The following CA1 variants were observed in gnomAD, a reference collection of about 807,000 sequenced individuals.
CA1 encodes the protein carbonate dehydratase I.
CA1 carries 27 observed loss-of-function variants against 28.8 expected under a neutral mutation model. The ratio of observed to expected loss-of-function variants is 0.94; its 90% CI spans 0.69 to 1.29. CA1 has a LOEUF of 1.29. Among genes scored for constraint, CA1 ranks in the 50% most tolerant of loss-of-function variants. CA1 has a pLI of 0.00. For missense variants in CA1, 335 were observed against 310.5 expected, an observed-to-expected ratio of 1.08 and a Z score of -0.59; for synonymous variants, 121 against 108.8, an observed-to-expected ratio of 1.11 and a Z score of -0.70.
chr8:85,353,148 G>C (rs189932518), intron 1 of CA1, among the ~76,000 whole-genome samples: 6 of 152,294 alleles, frequency 3.9e-5, no homozygotes, highest in Admixed American at 3.3e-4. Flanking sequence ...AAAAGTGAAA[G>C]CAAGAAGAAC....
chr8:85,358,995 C>T (rs936209031), intron 1 of CA1, among the ~76,000 whole-genome samples: 1 of 152,154 alleles, frequency 6.6e-6, no homozygotes, highest in African/African-American at 2.4e-5. Flanking sequence ...TTTGGGTGGT[C>T]TTCTATGTGC....
rs1564029481 is a variant in CA1, at chr8:85,344,227, C to CTTATATAT, written c.-24-2569_-24-2568insATATATAA. Among the ~76,000 whole-genome samples, 80 of 86,140 alleles carry CTTATATAT rather than the reference C, an allele frequency of 9.3e-4. 1 individual carries two copies. The highest frequency in any genetic ancestry group is 5.2e-3 in the African/African-American group (77 of 14,744). The allele number at this position is 86,140 out of a possible 152,430, so 56.5% of individuals were successfully genotyped here. ...GTATATAATATAATTATATTATATA[C>CTTATATAT]AGTATATAATATATAATTATATATT... On this transcript the variant is annotated intron_variant, in intron 1 of 7. Transcript: ENST00000523022.
chr8:85,336,804 G>T (rs2130174225), intron 4 of CA1, 141 bp downstream of exon 4: 2 of 713,524 alleles, frequency 2.8e-6, no homozygotes, highest in South Asian at 2.9e-5. Context: ...GTCTGTGCTT[G>T]ATTTTAATGG....
intron 1 of CA1, chr8:85,342,850 C>G (rs1032551): frequency 0.53 from 80,373 of 151,882 alleles, 21,792 homozygotes; most frequent in Non-Finnish European, 0.57. Flanking sequence ...GGATCAGGAG[C>G]AATTTTCACT....
At chr8:85,371,623 A>G (rs889424755) in intron 1 of CA1, among the ~76,000 whole-genome samples, 3 of 152,188 alleles carry the variant, frequency 2.0e-5, no homozygotes, top group Non-Finnish European at 2.9e-5. Context: ...TCCACCCAAT[A>G]CAAATATTTG....
chr8:85,351,515 G>T (rs1809411635), intron 1 of CA1, among the ~76,000 whole-genome samples: 1 of 152,180 alleles, frequency 6.6e-6, no homozygotes, highest in East Asian at 1.9e-4. Context: ...TATGAGATGA[G>T]TATGACATCC....
chr8:85,345,115 A>T (rs1364220904), intron 1 of CA1, among the ~76,000 whole-genome samples: 2 of 152,152 alleles, frequency 1.3e-5, no homozygotes, highest in African/African-American at 4.8e-5. Context: ...GGTTATCTGG[A>T]TTTCACAGCT....
At chr8:85,339,122 A>T (rs1413902228) in intron 2 of CA1, among the ~76,000 whole-genome samples, 1 of 152,204 alleles carries the variant, frequency 6.6e-6, no homozygotes, top group African/African-American at 2.4e-5. Context: ...TATTAGCAAT[A>T]GATTTCTAAT....
At chr8:85,365,179 T>G (rs1809957329) in intron 1 of CA1, among the ~76,000 whole-genome samples, 3 of 152,216 alleles carry the variant, frequency 2.0e-5, no homozygotes, top group Non-Finnish European at 4.4e-5. Flanking sequence ...TTATAATACC[T>G]GCTTGTGAGA....
intron 1 of CA1, among the ~76,000 whole-genome samples, chr8:85,374,429 ACTT>A (rs1222358836): frequency 6.6e-6 from 1 of 152,196 alleles, no homozygotes. Context: ...GATTCATAAA[ACTT>A]CACACACATT....
chr8:85,351,520 A>G (rs1809411737), intron 1 of CA1, among the ~76,000 whole-genome samples: 2 of 152,202 alleles, frequency 1.3e-5, no homozygotes, highest in Admixed American at 6.5e-5. Context: ...GATGAGTATG[A>G]CATCCACTCA....
intron 1 of CA1, among the ~76,000 whole-genome samples, chr8:85,372,440 T>C (rs962049538): frequency 6.6e-6 from 1 of 152,150 alleles, no homozygotes; most frequent in Admixed American, 6.6e-5. Flanking sequence ...AACACAGAAC[T>C]ACCTTATGGT....
intron 1 of CA1, among the ~76,000 whole-genome samples, chr8:85,356,293 G>A (rs1322397737): frequency 6.6e-6 from 1 of 152,014 alleles, no homozygotes; most frequent in Non-Finnish European, 1.5e-5. Flanking sequence ...TGTTTGTGAG[G>A]CAGAAATAAC....
chr8:85,344,135 A>G (rs1336300703), intron 1 of CA1, among the ~76,000 whole-genome samples: 1 of 137,692 alleles, frequency 7.3e-6, no homozygotes, highest in African/African-American at 2.7e-5. Context: ...TTAAATTTAT[A>G]TATATAATTA....
chr8:85,366,876 G>A lies in CA1; in HGVS notation c.-25+11170C>T, dbSNP rs1227232346. On this transcript the variant is annotated intron_variant, in intron 1 of 7. Transcript: ENST00000523022. ...GTAGTCAGTGAAGAGAGATTAGAAA[G>A]AAATACCAATCTGGTAACATTTGTT... Among the ~76,000 whole-genome samples the A allele has an allele frequency of 4.6e-5, 7 of 152,290 alleles. No homozygotes were observed. In the East Asian group the frequency reaches 1.4e-3, roughly 29 times the overall value.
rs1349449027 is a variant in CA1, at chr8:85,333,593, T to C, written c.382A>G (p.Lys128Glu). The change falls in exon 5 of 8, where the codon AAG (lysine) becomes GAG (glutamate). Residue 128 changes from lysine to glutamate, a missense_variant. Lys to Glu is a moderately conservative substitution (Grantham distance 56, BLOSUM62 1). Coordinates refer to ENST00000523022, the MANE Select transcript of CA1 (RefSeq NM_001128831.4). ...ELHVAHWNSA[K>E]YSSLAEAASK... ...GCAGCTTCAGCAAGGCTGGAGTACTTTGCAGAATTCCAGTGAGCTACGTGA... is the reference window on the plus strand; with the variant it reads ...GCAGCTTCAGCAAGGCTGGAGTACTCTGCAGAATTCCAGTGAGCTACGTGA... The C allele has an allele frequency of 6.2e-7, 1 of 1,611,994 alleles. No homozygotes were observed. Among genetic ancestry groups the C allele is most frequent in the Non-Finnish European group, 8.5e-7 (1 of 1,178,542 alleles).
intron 1 of CA1, among the ~76,000 whole-genome samples, chr8:85,359,325 A>T (rs1286794920): frequency 6.6e-6 from 1 of 152,230 alleles, no homozygotes. Context: ...GTTTCTGAGC[A>T]CATGAAACAT....
chr8:85,332,931 G>T (rs1230096764), intron 5 of CA1, among the ~76,000 whole-genome samples: 1 of 152,192 alleles, frequency 6.6e-6, no homozygotes, highest in East Asian at 1.9e-4. Flanking sequence ...CTCAGTAAAG[G>T]TTAAGTAGAA....
At chr8:85,348,879 A>G (rs1809300832) in intron 1 of CA1, among the ~76,000 whole-genome samples, 1 of 152,196 alleles carries the variant, frequency 6.6e-6, no homozygotes, top group Admixed American at 6.5e-5. Flanking sequence ...TGCTACTACT[A>G]ATAGAAAACT....
Sources: gnomAD v4.1 joint callset for allele counts (sites outside exome capture counted in the v4.1 genomes callset) on GRCh38, gnomAD v4.1.1 for gene constraint, MANE v1.5 for transcripts, NCBI Gene and HGNC (gene_info 2026-07-23, HGNC 2026-07-21) for gene names.